The following GABRA4 variants were observed in gnomAD, a reference collection of about 807,000 sequenced individuals.
GABRA4 encodes gamma-aminobutyric acid type A receptor subunit alpha4, also known as gamma-aminobutyric acid receptor subunit alpha-4.
GABRA4 carries 12 observed loss-of-function variants against 49.7 expected under a neutral mutation model. That is an observed-to-expected ratio of 0.24 (90% confidence interval 0.15 to 0.39). GABRA4 has a LOEUF of 0.39. Ranked by LOEUF, GABRA4 falls within the 10% of genes least tolerant of loss-of-function variation. The pLI, the probability that GABRA4 is intolerant of heterozygous loss-of-function variation, is 1.00. For synonymous variants in GABRA4, 288 were observed against 240.2 expected (o/e 1.20, Z -1.84); for missense variants, 506 against 686.0 (o/e 0.74, Z 2.93).
chr4:46,980,352 C>T, intron 2 of GABRA4, among the ~76,000 whole-genome samples: 1 of 140,400 alleles, frequency 7.1e-6, no homozygotes. Flanking sequence ...TGGATTCTTG[C>T]TTGGGAAATG....
In GABRA4 at chr4:46,927,676, G is replaced by GT. The variant is rs1201769830; in HGVS notation, c.*548dup. 1 of 152,394 alleles carries GT rather than the reference G, an allele frequency of 6.6e-6. No homozygotes were observed. The highest frequency in any genetic ancestry group is 2.4e-5 in the African/African-American group (1 of 41,422). 9.4% of individuals were successfully genotyped at this position (152,394 alleles called of 1,614,324 possible). ...GATATTTCCTCTGGTCTTTGTCTTA[G>GT]TTTTTTATGCAGCAGATATTTTACT... On this transcript the variant is annotated 3_prime_UTR_variant, in exon 9 of 9. Transcript: ENST00000264318.
intron 2 of GABRA4, among the ~76,000 whole-genome samples, 161 bp from the exon 3 acceptor site, chr4:46,979,259 C>A (rs886282662): frequency 3.9e-5 from 6 of 151,970 alleles, no homozygotes; most frequent in African/African-American, 1.4e-4. Flanking sequence ...CAAATGTAGA[C>A]CAAAGCGCAA....
At chr4:46,955,608 A>C (rs1006775400) in intron 8 of GABRA4, among the ~76,000 whole-genome samples, 1 of 152,072 alleles carries the variant, frequency 6.6e-6, no homozygotes, top group South Asian at 2.1e-4. Flanking sequence ...TTGAATGACT[A>C]TCATTCCTAC....
At chr4:46,971,285 G>C in intron 6 of GABRA4, 50 bp from the exon 7 acceptor site, 2 of 1,528,764 alleles carry the variant, frequency 1.3e-6, no homozygotes, top group Middle Eastern at 3.4e-4. Context: ...CAGGCAATTA[G>C]TCAATGGCTT....
chr4:46,951,481 A>T (rs560588588), intron 8 of GABRA4, among the ~76,000 whole-genome samples: 3 of 151,924 alleles, frequency 2.0e-5, no homozygotes, highest in Admixed American at 2.0e-4. Context: ...ATGTCCTCAT[A>T]GCTTGTTACG....
In GABRA4 at chr4:46,977,417, T is replaced by A. The variant is rs1560481078; in HGVS notation, c.487A>T (p.Thr163Ser). 6.6e-7 allele frequency: 1 copy of A among 1,506,056 alleles called. No individual in the cohort carries two copies. The highest frequency in any genetic ancestry group is 9.1e-7 in the Non-Finnish European group (1 of 1,093,196). 93.3% of individuals were successfully genotyped at this position (1,506,056 alleles called of 1,614,324 possible). Residue 163 changes from threonine to serine, a missense_variant, in exon 4 of 9, where the codon ACA becomes TCA. Thr to Ser is a moderately conservative substitution (Grantham distance 58, BLOSUM62 1). Coordinates refer to ENST00000264318, the MANE Select transcript of GABRA4 (RefSeq NM_000809.4). Reference protein sequence around the residue: ...RIMRNGTILYTMRLTISAECP... With the variant: ...RIMRNGTILYSMRLTISAECP... ...AGTAAAAAAAAATATTACCTCATTG[T>A]GTATAAAATAGTACCATTTCTCATA...
intron 8 of GABRA4, among the ~76,000 whole-genome samples, chr4:46,959,978 C>T (rs2109368260): frequency 6.6e-6 from 1 of 151,096 alleles, no homozygotes; most frequent in Non-Finnish European, 1.5e-5. Context: ...ATTAGAAAAT[C>T]ACAAATTGAA....
intron 8 of GABRA4, among the ~76,000 whole-genome samples, chr4:46,945,059 G>A (rs933027310): frequency 2.0e-5 from 3 of 152,152 alleles, no homozygotes; most frequent in African/African-American, 7.2e-5. Flanking sequence ...CACACAATGT[G>A]TTTAGGAAGT....
rs1254385978 is a variant in GABRA4 at position 46,925,696 on chromosome 4, T to C, written c.*2529A>G. On this transcript the variant is annotated 3_prime_UTR_variant, in exon 9 of 9. Transcript: ENST00000264318. Reference sequence around the variant, plus strand: ...ACTGAATGAATTTGATGAAATTCAGTTAAGGAAAGCAAACAACATATTATT... The same window carrying C: ...ACTGAATGAATTTGATGAAATTCAGCTAAGGAAAGCAAACAACATATTATT... The C allele has an allele frequency of 2.0e-5, 3 of 148,130 alleles. No individual in the cohort carries two copies. The highest frequency in any genetic ancestry group is 4.5e-5 in the Non-Finnish European group (3 of 67,114). 9.2% of individuals were successfully genotyped at this position (148,130 alleles called of 1,614,324 possible).
At chr4:46,981,195 C>A (rs2109398952) in intron 2 of GABRA4, among the ~76,000 whole-genome samples, 1 of 152,130 alleles carries the variant, frequency 6.6e-6, no homozygotes, top group East Asian at 1.9e-4. Flanking sequence ...TTTACAACAC[C>A]ATGTGCTATA....
intron 8 of GABRA4, among the ~76,000 whole-genome samples, chr4:46,954,036 A>G (rs1722259772): frequency 6.6e-6 from 1 of 152,142 alleles, no homozygotes. Context: ...TGTAAAAAGT[A>G]TTGCTGTGAA....
At chr4:46,942,677 C>T (rs1409282245) in intron 8 of GABRA4, among the ~76,000 whole-genome samples, 2 of 151,376 alleles carry the variant, frequency 1.3e-5, no homozygotes, top group Non-Finnish European at 2.9e-5. Flanking sequence ...GTATGTAACA[C>T]TGTTAATGAA....
chr4:46,966,650 T>A (rs1312297451), intron 7 of GABRA4, among the ~76,000 whole-genome samples: 1 of 151,678 alleles, frequency 6.6e-6, no homozygotes, highest in Admixed American at 6.6e-5. Context: ...AAACTCATTT[T>A]TCCAGTTCCT....
chr4:46,982,398 T>C (rs559082162), intron 2 of GABRA4, among the ~76,000 whole-genome samples: 70 of 151,822 alleles, frequency 4.6e-4, no homozygotes, highest in Non-Finnish European at 8.7e-4. Context: ...CACACACACA[T>C]AGCAGAGACA....
chr4:46,951,918 A>G (rs1317773287), intron 8 of GABRA4, among the ~76,000 whole-genome samples: 1 of 151,966 alleles, frequency 6.6e-6, no homozygotes, highest in Non-Finnish European at 1.5e-5. Flanking sequence ...CCACATGACT[A>G]CTGCTTCTGT....
In GABRA4 at chr4:46,974,735, G is replaced by A. The variant is rs113647447; in HGVS notation, c.578-360C>T. 9.4e-3 allele frequency among the ~76,000 whole-genome samples: 1,434 copies of A among 152,022 alleles called. 14 individuals carry two copies. Among genetic ancestry groups the A allele is most frequent in the African/African-American group, 0.033 (1,356 of 41,522 alleles). ...AAAGCAGATATATTGAACTCCCAAA[G>A]CCGTACTTCTAACTCACTTCCAATG... On this transcript the variant is annotated intron_variant, in intron 5 of 8. Transcript: ENST00000264318.
Position 46,921,164 on chromosome 4 carries a change from A to C in GABRA4, c.*7061T>G, listed in dbSNP as rs181133588. The C allele has an allele frequency of 3.0e-4, 45 of 151,784 alleles. No homozygotes were observed. In the East Asian group the frequency reaches 8.7e-3, roughly 29 times the overall value. 9.4% of individuals were successfully genotyped at this position (151,784 alleles called of 1,614,324 possible). On this transcript the variant is annotated 3_prime_UTR_variant, in exon 9 of 9. Transcript: ENST00000264318. ...TTTTTTAACGGAAGTAATTAGTGGTAGAGAAAAGCTATTAAGAAACCATAG... is the reference window on the plus strand; with the variant it reads ...TTTTTTAACGGAAGTAATTAGTGGTCGAGAAAAGCTATTAAGAAACCATAG...
intron 8 of GABRA4, among the ~76,000 whole-genome samples, chr4:46,941,330 C>A (rs1221542263): frequency 6.6e-6 from 1 of 152,000 alleles, no homozygotes; most frequent in Admixed American, 6.6e-5. Flanking sequence ...AAGTTTTGGA[C>A]TTCTTTGCTA....
rs562918670 is a variant in GABRA4, at chr4:46,955,972, G to A, written c.1134+8998C>T. Among the ~76,000 whole-genome samples, 10 of 152,156 alleles carry A rather than the reference G, an allele frequency of 6.6e-5. No homozygotes were observed. In the South Asian group the frequency reaches 2.1e-3, roughly 32 times the overall value. ...GTTGCCTGGTAAACACTTGCTATCT[G>A]AGTAGCTGAGATCTGTTCTAATGCT... is the stretch of plus-strand genomic sequence containing the variant. On this transcript the variant is annotated intron_variant, in intron 8 of 8. Coordinates refer to ENST00000264318, the MANE Select transcript of GABRA4 (RefSeq NM_000809.4).
Sources: gnomAD v4.1 joint callset for allele counts (sites outside exome capture counted in the v4.1 genomes callset) on GRCh38, gnomAD v4.1.1 for gene constraint, MANE v1.5 for transcripts, NCBI Gene and HGNC (gene_info 2026-07-23, HGNC 2026-07-21) for gene names.